Variants in MPP4 observed in about 807,000 individuals in gnomAD.
MPP4 encodes the protein MAGUK p55 scaffold protein 4, also known as MAGUK p55 subfamily member 4.
A neutral mutation model predicts 98.3 loss-of-function variants in MPP4; 91 were observed. The ratio of observed to expected loss-of-function variants is 0.93; its 90% CI spans 0.78 to 1.10. The LOEUF (loss-of-function observed/expected upper bound fraction) is 1.10, where lower values mean the gene tolerates loss of function less well. Ranked by LOEUF, MPP4 falls within the 50% of genes least tolerant of loss-of-function variation. The probability of loss-of-function intolerance (pLI) is 0.00; values close to 1 mark genes in which losing one functional copy is unlikely to be tolerated. For missense variants in MPP4, 744 were observed against 792.9 expected, an observed-to-expected ratio of 0.94 and a Z score of 0.74; for synonymous variants, 261 against 271.8, an observed-to-expected ratio of 0.96 and a Z score of 0.39.
rs1023270361 is a variant in MPP4, at chr2:201,650,183, T to G, written c.1382-18A>C. ...AGTAGTGTCTATCAGAAAAAGGGAA[T>G]GAAAGGTTTCAGTGTCTTCAGAATT... On this transcript the variant is annotated intron_variant, in intron 18 of 21. Transcript: ENST00000409474. 4 of 1,551,204 alleles carry G rather than the reference T, an allele frequency of 2.6e-6. No individual in the cohort carries two copies. The highest frequency in any genetic ancestry group is 2.0e-5 in the Admixed American group (1 of 49,740).
At chr2:201,650,870 C>T in intron 18 of MPP4, 2 of 985,338 alleles carry the variant, frequency 2.0e-6, no homozygotes, top group Non-Finnish European at 2.4e-6. Context: ...GATATGGCCA[C>T]TTTGATTACA....
chr2:201,686,531 TTGATCATAGGGTA>T lies in MPP4; in HGVS notation c.361-494_361-482del, dbSNP rs1038638234. On this transcript the variant is annotated intron_variant, in intron 5 of 21. Coordinates refer to ENST00000409474, the MANE Select transcript of MPP4 (RefSeq NM_033066.3). ...TGAGGAGTTCATATGATCAAGCTCT[TTGATCATAGGGTA>T]TGATCATAGGGTATGATCAAAGAGT... Among the ~76,000 whole-genome samples the T allele has an allele frequency of 6.6e-5, 10 of 152,326 alleles. No homozygotes were observed. In the South Asian group the frequency reaches 1.9e-3, roughly 28 times the overall value.
At chr2:201,654,609 TTAAAA>T (rs1687805526) in intron 18 of MPP4, among the ~76,000 whole-genome samples, 1 of 152,008 alleles carries the variant, frequency 6.6e-6, no homozygotes, top group African/African-American at 2.4e-5. Context: ...ACCCTAAAAC[TTAAAA>T]TATAATAATA....
intron 12 of MPP4, among the ~76,000 whole-genome samples, chr2:201,667,274 C>A (rs1688208621): frequency 6.6e-6 from 1 of 152,208 alleles, no homozygotes; most frequent in Non-Finnish European, 1.5e-5. Context: ...TTAGAGTGGA[C>A]ATCACAGCCT....
At chr2:201,685,486 G>A (rs1688802269) in intron 6 of MPP4, among the ~76,000 whole-genome samples, 1 of 152,166 alleles carries the variant, frequency 6.6e-6, no homozygotes, top group Non-Finnish European at 1.5e-5. Context: ...TTCATCCAAA[G>A]ATACAGAAAC....
intron 10 of MPP4, 181 bp downstream of exon 10, chr2:201,680,656 CT>C: frequency 5.3e-6 from 3 of 564,348 alleles, no homozygotes; most frequent in Non-Finnish European, 9.3e-6. Flanking sequence ...TTCTCGTCTC[CT>C]TGGTATTTAA....
chr2:201,676,978 T>C (rs752141356), intron 10 of MPP4, among the ~76,000 whole-genome samples: 46 of 152,256 alleles, frequency 3.0e-4, no homozygotes, highest in Non-Finnish European at 5.3e-4. Flanking sequence ...AGAAATATTC[T>C]CTGCATAATT....
At chr2:201,662,090 T>A (rs1264050422) in intron 14 of MPP4, 1 of 384,126 alleles carries the variant, frequency 2.6e-6, no homozygotes, top group Non-Finnish European at 5.1e-6. Context: ...TTTCTTTTTT[T>A]ATAACTAATA....
At chr2:201,646,066 A>C (rs748700526) in intron 21 of MPP4, among the ~76,000 whole-genome samples, 31 of 152,210 alleles carry the variant, frequency 2.0e-4, no homozygotes, top group Non-Finnish European at 3.1e-4. Flanking sequence ...TTATGTTTTA[A>C]TCTTTAGTCT....
intron 8 of MPP4, 101 bp from the exon 9 acceptor site, chr2:201,681,668 T>TA: frequency 1.2e-6 from 1 of 855,224 alleles, no homozygotes; most frequent in Non-Finnish European, 1.9e-6. Context: ...GGTCTCATGG[T>TA]AAAATCCCCC....
intron 3 of MPP4, among the ~76,000 whole-genome samples, chr2:201,691,936 G>A (rs1689041874): frequency 6.6e-6 from 1 of 152,194 alleles, no homozygotes. Context: ...TTTATCCAGG[G>A]TTGCTGCAAG....
chr2:201,682,766 G>A (rs1170243808), intron 8 of MPP4, 65 bp downstream of exon 8: 5 of 1,427,368 alleles, frequency 3.5e-6, no homozygotes, highest in Middle Eastern at 3.5e-4. Context: ...ACGTGGGCTT[G>A]ATGGTCCCAG....
chr2:201,669,104 G>C (rs1688264980), intron 12 of MPP4, among the ~76,000 whole-genome samples: 1 of 78,720 alleles, frequency 1.3e-5, no homozygotes, highest in African/African-American at 3.5e-5. Flanking sequence ...GTGTGTGTGT[G>C]TGTGTGTGTG....
intron 11 of MPP4, 82 bp downstream of exon 11, chr2:201,675,125 A>G (rs1481400762): frequency 7.0e-6 from 10 of 1,420,930 alleles, no homozygotes; most frequent in Non-Finnish European, 9.7e-6. Flanking sequence ...CCAGCCTCAC[A>G]TCAATTAGAC....
rs1372474610 is a variant in MPP4 at position 201,644,933 on chromosome 2, C to A, written c.*277G>T. 3 of 252,858 alleles carry A rather than the reference C, an allele frequency of 1.2e-5. No homozygotes were observed. Among genetic ancestry groups the A allele is most frequent in the Admixed American group, 1.1e-4 (2 of 18,468 alleles). 15.7% of individuals were successfully genotyped at this position (252,858 alleles called of 1,614,324 possible). ...CTCTTTATTTAAATCTTAAAAAGAT[C>A]ATGTGAAATCTGCGAAAGGTTCTCA... On this transcript the variant is annotated 3_prime_UTR_variant, in exon 22 of 22. Transcript: ENST00000409474.
intron 12 of MPP4, among the ~76,000 whole-genome samples, chr2:201,668,155 G>A (rs1162547642): frequency 1.3e-5 from 2 of 152,084 alleles, no homozygotes; most frequent in African/African-American, 4.8e-5. Flanking sequence ...TCTAGTAACA[G>A]CATGAGAAGC....
chr2:201,696,687 A>T (rs1179297349), intron 1 of MPP4, among the ~76,000 whole-genome samples: 2 of 152,160 alleles, frequency 1.3e-5, no homozygotes, highest in Non-Finnish European at 2.9e-5. Context: ...TTACAGATAG[A>T]CTGTGCTTCA....
intron 3 of MPP4, among the ~76,000 whole-genome samples, chr2:201,691,664 C>T (rs1268058286): frequency 6.6e-6 from 1 of 152,072 alleles, no homozygotes; most frequent in African/African-American, 2.4e-5. Flanking sequence ...ATTACAGGTG[C>T]GTGCCACTGC....
At chr2:201,686,201 A>C (rs1300320005) in intron 5 of MPP4, among the ~76,000 whole-genome samples, 151 bp from the exon 6 acceptor site, 5 of 152,210 alleles carry the variant, frequency 3.3e-5, no homozygotes, top group Non-Finnish European at 7.3e-5. Context: ...TATATGAATT[A>C]ATCCGATCTT....
Sources: allele counts gnomAD v4.1 joint callset (sites outside exome capture counted in the v4.1 genomes callset), GRCh38; gene constraint gnomAD v4.1.1; transcripts MANE v1.5; gene names NCBI Gene and HGNC (gene_info 2026-07-23, HGNC 2026-07-21).